ZC3H12B: variants seen among roughly 807,000 people sequenced by gnomAD.
ZC3H12B encodes the protein zinc finger CCCH-type containing 12B.
A neutral mutation model predicts 43.9 loss-of-function variants in ZC3H12B; 7 were observed. That is an observed-to-expected ratio of 0.16 (90% CI 0.09 to 0.30). The LOEUF is 0.30. ZC3H12B is among the 10% of genes least tolerant of loss of function. The pLI, the probability that ZC3H12B is intolerant of heterozygous loss-of-function variation, is 1.00. For synonymous variants in ZC3H12B, 222 were observed against 241.7 expected, an observed-to-expected ratio of 0.92 and a Z score of 0.76; for missense variants, 475 against 670.2, an observed-to-expected ratio of 0.71 and a Z score of 3.22.
the ZC3H12B span, among the ~76,000 whole-genome samples, chrX:65,229,194 C>T: frequency 1.8e-5 from 2 of 110,795 alleles, no homozygotes; most frequent in Admixed American, 1.9e-4. Flanking sequence ...AGATATAGAT[C>T]AATGGAACAC....
rs1409766667 is a variant in ZC3H12B at position 65,418,921 on chromosome X, G to A, written n.407+20217G>A. On this transcript the variant is annotated intron_variant and non_coding_transcript_variant, in intron 3 of 5. Transcript: ENST00000617377. The stretch of plus-strand genomic sequence containing the variant: ...AAGGGACCTATGGCCTTTTACCAGG[G>A]TAACTGTGCAACATAGAAAAAATTA... Among the ~76,000 whole-genome samples, 3 of 111,751 alleles carry A rather than the reference G, an allele frequency of 2.7e-5. No individual in the cohort carries two copies. In the Admixed American group the frequency reaches 2.8e-4, roughly 11 times the overall value.
the ZC3H12B span, among the ~76,000 whole-genome samples, chrX:65,119,007 C>G: frequency 2.7e-5 from 3 of 110,866 alleles, no homozygotes; most frequent in African/African-American, 9.9e-5. Context: ...GCATAGTATT[C>G]CATGGTGTAT....
intron 2 of ZC3H12B, among the ~76,000 whole-genome samples, chrX:65,390,858 G>T (rs1055609147): frequency 3.3e-4 from 37 of 112,021 alleles, no homozygotes; most frequent in East Asian, 2.8e-4. Context: ...CAACAAAATA[G>T]AAATAATATC....
At chrX:65,049,716 G>T in the ZC3H12B span, among the ~76,000 whole-genome samples, 3 of 111,059 alleles carry the variant, frequency 2.7e-5, no homozygotes, top group South Asian at 1.1e-3. Flanking sequence ...AATGCCATTG[G>T]GATTTTGATG....
At chrX:65,471,977 C>G (rs2067921385) in intron 3 of ZC3H12B, among the ~76,000 whole-genome samples, 1 of 111,853 alleles carries the variant, frequency 8.9e-6, no homozygotes. Context: ...AATTTTAGAA[C>G]TCCTTTAGCA....
chrX:65,110,574 G>A, the ZC3H12B span, among the ~76,000 whole-genome samples: 1 of 110,912 alleles, frequency 9.0e-6, no homozygotes, highest in African/African-American at 3.3e-5. Flanking sequence ...TCAAAAATTA[G>A]GCATATTTAT....
At chrX:65,075,876 T>G in the ZC3H12B span, among the ~76,000 whole-genome samples, 1 of 111,945 alleles carries the variant, frequency 8.9e-6, no homozygotes, top group Non-Finnish European at 1.9e-5. Context: ...TTTCTGCTGA[T>G]GATGCTATGC....
chrX:65,081,821 A>G, the ZC3H12B span, among the ~76,000 whole-genome samples: 24 of 112,253 alleles, frequency 2.1e-4, no homozygotes, highest in Non-Finnish European at 4.3e-4. Context: ...CAATAGCTGC[A>G]GAATACACAT....
chrX:65,494,431 G>T (rs1228810053), intron 1 of ZC3H12B, among the ~76,000 whole-genome samples: 1 of 109,614 alleles, frequency 9.1e-6, no homozygotes, highest in African/African-American at 3.3e-5. Flanking sequence ...TAGAGGCAGG[G>T]TCTCACCATG....
At chrX:65,178,672 A>T in the ZC3H12B span, among the ~76,000 whole-genome samples, 1 of 112,712 alleles carries the variant, frequency 8.9e-6, no homozygotes, top group African/African-American at 3.2e-5. Flanking sequence ...GCTCACCAAC[A>T]CTAGTCATTA....
At chrX:65,312,783 CTA>C in the ZC3H12B span, among the ~76,000 whole-genome samples, 1 of 112,115 alleles carries the variant, frequency 8.9e-6, no homozygotes, top group East Asian at 2.8e-4. Flanking sequence ...TCTGGGACAT[CTA>C]TTTGTAAGGA....
At chrX:65,212,797 A>G in the ZC3H12B span, among the ~76,000 whole-genome samples, 278 of 102,258 alleles carry the variant, frequency 2.7e-3, no homozygotes, top group African/African-American at 8.9e-3. Context: ...GCTCTATGAG[A>G]ACATCGACTA....
the ZC3H12B span, among the ~76,000 whole-genome samples, chrX:65,225,435 C>A: frequency 8.9e-6 from 1 of 112,030 alleles, no homozygotes; most frequent in Non-Finnish European, 1.9e-5. Context: ...AAAAACAGAG[C>A]AGAAAAACTG....
At chrX:65,044,621 C>T in the ZC3H12B span, among the ~76,000 whole-genome samples, 1 of 111,041 alleles carries the variant, frequency 9.0e-6, no homozygotes, top group Non-Finnish European at 1.9e-5. Flanking sequence ...GAGGATGTTA[C>T]AGTAACCCAG....
the ZC3H12B span, among the ~76,000 whole-genome samples, chrX:65,161,697 G>A: frequency 5.1e-3 from 574 of 111,900 alleles, 2 homozygotes; most frequent in African/African-American, 0.016. Flanking sequence ...GCACACTGCT[G>A]GGTCTTGACT....
At chrX:65,083,890 G>A in the ZC3H12B span, among the ~76,000 whole-genome samples, 2 of 111,700 alleles carry the variant, frequency 1.8e-5, no homozygotes, top group African/African-American at 6.5e-5. Flanking sequence ...AAAACACTGT[G>A]ATACTAGAAT....
the ZC3H12B span, among the ~76,000 whole-genome samples, chrX:65,221,564 T>A: frequency 9.0e-6 from 1 of 111,269 alleles, no homozygotes; most frequent in Non-Finnish European, 1.9e-5. Flanking sequence ...TGTGAACACC[T>A]TTATGCACAC....
chrX:65,148,610 C>T, the ZC3H12B span, among the ~76,000 whole-genome samples: 7 of 111,105 alleles, frequency 6.3e-5, no homozygotes, highest in East Asian at 2.8e-4. Context: ...GGGTCCACGG[C>T]GAAGTCTAGT....
chrX:65,123,401 G>C, the ZC3H12B span, among the ~76,000 whole-genome samples: 2 of 111,070 alleles, frequency 1.8e-5, no homozygotes, highest in African/African-American at 3.3e-5. Flanking sequence ...TTGTGTGTGT[G>C]TGTCTCTGCC....
Sources: gnomAD v4.1 joint callset for allele counts (sites outside exome capture counted in the v4.1 genomes callset) on GRCh38, gnomAD v4.1.1 for gene constraint, MANE v1.5 for transcripts, NCBI Gene and HGNC (gene_info 2026-07-23, HGNC 2026-07-21) for gene names.